Variants in RBBP5 observed in about 807,000 individuals in gnomAD.
RBBP5 encodes retinoblastoma-binding protein 5.
A neutral mutation model predicts 72.2 loss-of-function variants in RBBP5; 5 were observed. The ratio of observed to expected loss-of-function variants is 0.07; its 90% confidence interval spans 0.04 to 0.15. The LOEUF (loss-of-function observed/expected upper bound fraction) is 0.15, where lower values mean the gene tolerates loss of function less well. Among genes scored for constraint, RBBP5 ranks in the 10% least tolerant of loss-of-function variants. The pLI, the probability that RBBP5 is intolerant of heterozygous loss-of-function variation, is 1.00. For synonymous variants in RBBP5, 209 were observed against 237.2 expected, an observed-to-expected ratio of 0.88 and a Z score of 1.09; for missense variants, 322 against 652.2, an observed-to-expected ratio of 0.49 and a Z score of 5.51.
rs187473483 is a variant in RBBP5 at position 205,107,326 on chromosome 1, A to G, written c.219-2158T>C. The stretch of plus-strand genomic sequence containing the variant: ...CAAAGAAATCCACTCCGAGAAATAC[A>G]AACTTCTGAAAACTAAAGACAATGA... On this transcript the variant is annotated intron_variant, in intron 3 of 13. Transcript: ENST00000264515. Among the ~76,000 whole-genome samples, 433 of 152,302 alleles carry G rather than the reference A, an allele frequency of 2.8e-3. 1 individual carries two copies. The highest frequency in any genetic ancestry group is 4.8e-3 in the Non-Finnish European group (325 of 68,028).
At position 205,101,682 on chromosome 1, in the gene RBBP5, C is replaced by G. The variant is rs1309279051; in HGVS notation, c.550G>C (p.Asp184His). 1 of 1,613,286 alleles carries G rather than the reference C, an allele frequency of 6.2e-7. No homozygotes were observed. Among genetic ancestry groups the G allele is most frequent in the Non-Finnish European group, 8.5e-7 (1 of 1,179,678 alleles). The change falls in exon 6 of 14, where the codon GAT (aspartate) becomes CAT (histidine). Residue 184 changes from aspartate to histidine, a missense_variant. Coordinates refer to ENST00000264515, the MANE Select transcript of RBBP5 (RefSeq NM_005057.4). ...KILVLKTDSQ[D>H]LVASFRVTTG... ...GTCACTCTGAAGGAAGCAACAAGATCCTGAGAATCTGTTTTTAGGACCAAA... is the reference window on the plus strand; with the variant it reads ...GTCACTCTGAAGGAAGCAACAAGATGCTGAGAATCTGTTTTTAGGACCAAA...
At chr1:205,108,913 A>T (rs1205598447) in intron 3 of RBBP5, among the ~76,000 whole-genome samples, 1 of 152,216 alleles carries the variant, frequency 6.6e-6, no homozygotes, top group East Asian at 1.9e-4. Flanking sequence ...GGCACATAAT[A>T]AGTACTCAAT....
At chr1:205,113,060 T>C (rs1656380705) in intron 3 of RBBP5, among the ~76,000 whole-genome samples, 1 of 152,046 alleles carries the variant, frequency 6.6e-6, no homozygotes, top group Non-Finnish European at 1.5e-5. Context: ...TGCAGTGAAC[T>C]GTGATCGTGC....
intron 1 of RBBP5, 55 bp from the exon 2 acceptor site, chr1:205,115,938 T>A (rs767858064): frequency 6.2e-7 from 1 of 1,613,878 alleles, no homozygotes; most frequent in African/African-American, 1.3e-5. Context: ...GCAAGGATCA[T>A]ACAACTCACG....
Position 205,095,021 on chromosome 1 carries a change from C to G in RBBP5, c.1440G>C (p.Lys480Asn). The change falls in exon 13 of 14, where the codon AAG becomes AAC. Residue 480 changes from lysine (K) to asparagine (N), a missense_variant. Physicochemically the swap from Lys to Asn is moderately conservative, Grantham distance 94. This residue lies in a region of RBBP5 where 109 missense variants were observed against 146.3 expected (regional missense o/e 0.75). Coordinates refer to ENST00000264515, the MANE Select transcript of RBBP5 (RefSeq NM_005057.4). ...LLGVKGDGKS[K>N]KKQAGRPKGS... ...CTTTAGGCCGGCCTGCTTGCTTCTT[C>G]TTGGATTTGCCATCCCCCTTCACAC... 6.2e-7 allele frequency: 1 copy of G among 1,614,088 alleles called. No homozygotes were observed. Among genetic ancestry groups the G allele is most frequent in the Non-Finnish European group, 8.5e-7 (1 of 1,180,012 alleles).
rs1451734627 is a variant in RBBP5 at position 205,087,706 on chromosome 1, T to A, written c.*1081A>T. The A allele has an allele frequency of 4.5e-5, 3 of 66,934 alleles. No individual in the cohort carries two copies. The highest frequency in any genetic ancestry group is 1.0e-3 in the East Asian group (1 of 982). The allele number at this position is 66,934 out of a possible 1,614,324, so 4.1% of individuals were successfully genotyped here. On this transcript the variant is annotated 3_prime_UTR_variant, in exon 14 of 14. Coordinates refer to ENST00000264515, the MANE Select transcript of RBBP5 (RefSeq NM_005057.4). ...ACACCAAATGTACACATCTATCCAA[T>A]CTGTTATTTTTATAAAGAACAACAA...
In RBBP5 at chr1:205,092,718, C is replaced by T. The variant is rs189343320; in HGVS notation, c.1588+2155G>A. Among the ~76,000 whole-genome samples the T allele has an allele frequency of 1.1e-3, 165 of 151,984 alleles. 1 individual carries two copies. Among genetic ancestry groups the T allele is most frequent in the African/African-American group, 3.7e-3 (155 of 41,452 alleles). ...GTGCTGGGATTATAGGCATGAGCCA[C>T]TGCACCCAGCTCAAGGTTTTTTCTT... is the stretch of plus-strand genomic sequence containing the variant. On this transcript the variant is annotated intron_variant, in intron 13 of 13. Coordinates refer to ENST00000264515, the MANE Select transcript of RBBP5 (RefSeq NM_005057.4).
chr1:205,118,715 C>T (rs767552836), intron 1 of RBBP5, among the ~76,000 whole-genome samples: 3 of 152,086 alleles, frequency 2.0e-5, no homozygotes, highest in Non-Finnish European at 4.4e-5. Flanking sequence ...CTTAGTTACA[C>T]GTGTAGGTAT....
rs1024077925 is a variant in RBBP5, at chr1:205,087,857, G to A, written c.*930C>T. 3.3e-5 allele frequency: 5 copies of A among 152,642 alleles called. No homozygotes were observed. The highest frequency in any genetic ancestry group is 1.2e-4 in the African/African-American group (5 of 41,460). 9.5% of individuals were successfully genotyped at this position (152,642 alleles called of 1,614,324 possible). ...TGATGAGGATAGATTTCCACAGGCAGTGATACAAAAAATTCACCTTGATCT... is the reference window on the plus strand; with the variant it reads ...TGATGAGGATAGATTTCCACAGGCAATGATACAAAAAATTCACCTTGATCT... On this transcript the variant is annotated 3_prime_UTR_variant, in exon 14 of 14. Coordinates refer to ENST00000264515, the MANE Select transcript of RBBP5 (RefSeq NM_005057.4).
At chr1:205,110,385 T>G (rs1403891221) in intron 3 of RBBP5, among the ~76,000 whole-genome samples, 2 of 152,178 alleles carry the variant, frequency 1.3e-5, no homozygotes, top group African/African-American at 4.8e-5. Context: ...TCAACTTTAC[T>G]AATAGTTGAA....
chr1:205,093,569 C>G (rs1411332396), intron 13 of RBBP5, among the ~76,000 whole-genome samples: 1 of 122,428 alleles, frequency 8.2e-6, no homozygotes, highest in Non-Finnish European at 1.6e-5. Context: ...CACACACACA[C>G]AGCATTATAT....
chr1:205,093,412 T>G (rs1294307360), intron 13 of RBBP5, among the ~76,000 whole-genome samples: 1 of 140,352 alleles, frequency 7.1e-6, no homozygotes, highest in African/African-American at 2.7e-5. Context: ...TGAGCTGAGA[T>G]CGCACCACTG....
chr1:205,118,090 G>A (rs561966695), intron 1 of RBBP5, among the ~76,000 whole-genome samples: 7 of 152,076 alleles, frequency 4.6e-5, no homozygotes, highest in African/African-American at 1.7e-4. Flanking sequence ...GATTACAGGC[G>A]TGAGTCACCA....
chr1:205,086,822 T>G lies in RBBP5; in HGVS notation c.*1965A>C, dbSNP rs1655158023. On this transcript the variant is annotated 3_prime_UTR_variant, in exon 14 of 14. Coordinates refer to ENST00000264515, the MANE Select transcript of RBBP5 (RefSeq NM_005057.4). Reference sequence around the variant, plus strand: ...AGAGGAAACCAAGCTACTTCACACGTGGAAAGATGGCAGAAACCCTCTAAG... The same window carrying G: ...AGAGGAAACCAAGCTACTTCACACGGGGAAAGATGGCAGAAACCCTCTAAG... 6.6e-6 allele frequency: 1 copy of G among 152,180 alleles called. No individual in the cohort carries two copies. The highest frequency in any genetic ancestry group is 6.5e-5 in the Admixed American group (1 of 15,276). The allele number at this position is 152,180 out of a possible 1,614,324, so 9.4% of individuals were successfully genotyped here.
intron 1 of RBBP5, among the ~76,000 whole-genome samples, chr1:205,119,623 C>T (rs1656660957): frequency 6.6e-6 from 1 of 152,136 alleles, no homozygotes; most frequent in Non-Finnish European, 1.5e-5. Flanking sequence ...GCTGAGGAGT[C>T]CCAAGCTGCC....
At chr1:205,102,890 G>A (rs1655895971) in intron 5 of RBBP5, among the ~76,000 whole-genome samples, 1 of 151,970 alleles carries the variant, frequency 6.6e-6, no homozygotes, top group Non-Finnish European at 1.5e-5. Context: ...CTACTCGGGA[G>A]GCTGAGGCAG....
At chr1:205,102,481 C>T (rs1388430409) in intron 5 of RBBP5, among the ~76,000 whole-genome samples, 1 of 152,066 alleles carries the variant, frequency 6.6e-6, no homozygotes, top group East Asian at 1.9e-4. Context: ...GAGAGAAGGT[C>T]AAAGGGTGTT....
At chr1:205,108,135 C>T (rs545681773) in intron 3 of RBBP5, among the ~76,000 whole-genome samples, 1 of 148,328 alleles carries the variant, frequency 6.7e-6, no homozygotes, top group East Asian at 2.0e-4. Context: ...CCCAGCTACT[C>T]GGGAGGCTGA....
At chr1:205,112,709 T>C (rs967762792) in intron 3 of RBBP5, among the ~76,000 whole-genome samples, 3 of 152,042 alleles carry the variant, frequency 2.0e-5, no homozygotes, top group Admixed American at 6.6e-5. Context: ...TATCAGACAA[T>C]ATACAGTCAT....
Sources: allele counts gnomAD v4.1 joint callset (sites outside exome capture counted in the v4.1 genomes callset), GRCh38; gene constraint gnomAD v4.1.1; regional missense constraint gnomAD v4.1.1; transcripts MANE v1.5; gene names NCBI Gene and HGNC (gene_info 2026-07-23, HGNC 2026-07-21).